The following HECW1 variants were observed in gnomAD, a reference collection of about 807,000 sequenced individuals.
The protein encoded by HECW1 is HECT, C2 and WW domain containing E3 ubiquitin protein ligase 1, also known as E3 ubiquitin-protein ligase HECW1.
A neutral mutation model predicts 182.3 loss-of-function variants in HECW1; 61 were observed. The observed-to-expected ratio is 0.33, with a 90% CI of 0.27 to 0.41. HECW1 has a LOEUF of 0.41. Ranked by LOEUF, HECW1 falls within the 10% of genes least tolerant of loss-of-function variation. HECW1 has a pLI of 1.00. For synonymous variants in HECW1, 859 were observed against 832.6 expected, an observed-to-expected ratio of 1.03 and a Z score of -0.55; for missense variants, 1,739 against 2,108.9, an observed-to-expected ratio of 0.82 and a Z score of 3.44.
rs576320930 is a variant in HECW1, at chr7:43,303,732, C to T, written c.28-8031C>T. ...TTGAGGCTGAAAGCACAAATTGAGGCACAGGTTTCAGGAACAGGTGTCTGG... is the reference window on the plus strand; with the variant it reads ...TTGAGGCTGAAAGCACAAATTGAGGTACAGGTTTCAGGAACAGGTGTCTGG... On this transcript the variant is annotated intron_variant, in intron 3 of 29. Coordinates refer to ENST00000395891, the MANE Select transcript of HECW1 (RefSeq NM_015052.5). Among the ~76,000 whole-genome samples the T allele has an allele frequency of 3.9e-4, 59 of 152,266 alleles. No homozygotes were observed. In the South Asian group the frequency reaches 0.011, roughly 29 times the overall value.
intron 11 of HECW1, 87 bp from the exon 12 acceptor site, chr7:43,450,741 G>A (rs1209865696): frequency 2.4e-6 from 2 of 824,844 alleles, no homozygotes; most frequent in African/African-American, 1.7e-5. Flanking sequence ...GTTGTTTCTT[G>A]TAGTGCTTAG....
intron 2 of HECW1, among the ~76,000 whole-genome samples, chr7:43,182,076 G>T (rs192534840): frequency 1.3e-5 from 2 of 152,244 alleles, no homozygotes; most frequent in East Asian, 1.9e-4. Flanking sequence ...GAGCCACCGC[G>T]CCAGGCCTCT....
At chr7:43,147,115 A>G (rs767198138) in intron 2 of HECW1, among the ~76,000 whole-genome samples, 2 of 152,264 alleles carry the variant, frequency 1.3e-5, no homozygotes, top group Non-Finnish European at 1.5e-5. Context: ...CTGTTATCCA[A>G]GGAAACCTTT....
At chr7:43,267,631 A>G (rs1801942831) in intron 3 of HECW1, among the ~76,000 whole-genome samples, 1 of 152,060 alleles carries the variant, frequency 6.6e-6, no homozygotes, top group Admixed American at 6.5e-5. Flanking sequence ...AAATATAGTG[A>G]AACAGTGGCA....
At chr7:43,307,940 G>C (rs1807832787) in intron 3 of HECW1, among the ~76,000 whole-genome samples, 2 of 129,420 alleles carry the variant, frequency 1.5e-5, no homozygotes, top group Non-Finnish European at 3.1e-5. Flanking sequence ...ATAGTGAAAT[G>C]TATTATTATA....
At position 43,445,076 on chromosome 7, in the gene HECW1, G is replaced by A. The variant is rs376075834; in HGVS notation, c.1904G>A (p.Gly635Asp). The A allele has an allele frequency of 1.3e-5, 21 of 1,599,160 alleles. 1 individual carries two copies. In the African/African-American group the frequency reaches 1.5e-4, roughly 11 times the overall value. The change falls in exon 11 of 30, where the codon GGC (glycine) becomes GAC (aspartate). Residue 635 changes from glycine to aspartate, a missense_variant. By Grantham distance (94) the Gly-to-Asp change is moderately conservative. Coordinates refer to ENST00000395891, the MANE Select transcript of HECW1 (RefSeq NM_015052.5). ...ACGGCGCACCCTGGCCACTCCGGGG[G>A]CCACTTCCCCAGCCTGGCCAATGGC... The part of the protein sequence containing the change: ...PGTAHPGHSG[G>D]HFPSLANGAA...
intron 13 of HECW1, among the ~76,000 whole-genome samples, chr7:43,458,760 A>G (rs2152890883): frequency 6.6e-6 from 1 of 152,318 alleles, no homozygotes. Context: ...TCCATCTCAC[A>G]TGCGACCACA....
chr7:43,501,172 T>A (rs916772706), intron 20 of HECW1, 41 bp from the exon 21 acceptor site: 8 of 1,208,824 alleles, frequency 6.6e-6, no homozygotes, highest in Non-Finnish European at 9.5e-6. Context: ...AAAACTGACT[T>A]TCTTTTCTTT....
At chr7:43,221,555 T>TTTTG (rs1796960571) in intron 2 of HECW1, among the ~76,000 whole-genome samples, 1 of 93,894 alleles carries the variant, frequency 1.1e-5, no homozygotes, top group African/African-American at 4.0e-5. Context: ...TTTTTTTTTT[T>TTTTG]TTTTTTTTTT....
At chr7:43,134,593 A>G (rs1787323844) in intron 2 of HECW1, among the ~76,000 whole-genome samples, 1 of 151,602 alleles carries the variant, frequency 6.6e-6, no homozygotes, top group Admixed American at 6.6e-5. Flanking sequence ...GCAGCTTTGA[A>G]CTCCTGGGCT....
intron 3 of HECW1, among the ~76,000 whole-genome samples, chr7:43,298,529 G>C (rs188866968): frequency 6.6e-6 from 1 of 152,182 alleles, no homozygotes; most frequent in South Asian, 2.1e-4. Flanking sequence ...GACATGATGA[G>C]TTTATCTCTG....
chr7:43,545,229 CTT>C (rs1216117023), intron 26 of HECW1, among the ~76,000 whole-genome samples: 1 of 152,216 alleles, frequency 6.6e-6, no homozygotes, highest in Non-Finnish European at 1.5e-5. Flanking sequence ...GAAAAACTGA[CTT>C]TTCATTTTAT....
intron 16 of HECW1, among the ~76,000 whole-genome samples, chr7:43,474,987 T>C (rs762983126): frequency 2.6e-5 from 4 of 151,996 alleles, no homozygotes; most frequent in Non-Finnish European, 5.9e-5. Flanking sequence ...GAGTAGAAAA[T>C]GAGGAGTTAT....
At chr7:43,290,962 C>T (rs1288680231) in intron 3 of HECW1, among the ~76,000 whole-genome samples, 1 of 152,212 alleles carries the variant, frequency 6.6e-6, no homozygotes, top group Non-Finnish European at 1.5e-5. Context: ...CAAGAGAAGA[C>T]TGCATATGGA....
rs148149501 is a variant in HECW1, at chr7:43,393,370, A to T, written c.556-3444A>T. ...TTCACATCATTTTCACAGTCAATAA[A>T]CTGTAAAGAGTCTGTCTGTGAGTAT... On this transcript the variant is annotated intron_variant, in intron 6 of 29. Coordinates refer to ENST00000395891, the MANE Select transcript of HECW1 (RefSeq NM_015052.5). Among the ~76,000 whole-genome samples the T allele has an allele frequency of 2.0e-4, 31 of 152,226 alleles. No homozygotes were observed. The East Asian group carries it at 5.4e-3, about 27-fold the overall frequency.
intron 2 of HECW1, among the ~76,000 whole-genome samples, chr7:43,175,562 G>A (rs1004295279): frequency 6.6e-6 from 1 of 152,206 alleles, no homozygotes; most frequent in African/African-American, 2.4e-5. Flanking sequence ...CCCTTACGGT[G>A]CAGGTTGTGA....
chr7:43,401,763 G>A (rs2075424511), intron 7 of HECW1, among the ~76,000 whole-genome samples: 1 of 151,756 alleles, frequency 6.6e-6, no homozygotes, highest in African/African-American at 2.4e-5. Flanking sequence ...CAGTTACCCA[G>A]CAAAGGCCCC....
chr7:43,303,481 C>T (rs1329078842), intron 3 of HECW1, among the ~76,000 whole-genome samples: 1 of 152,086 alleles, frequency 6.6e-6, no homozygotes, highest in Non-Finnish European at 1.5e-5. Flanking sequence ...GGCATTTTAA[C>T]AAGTTCCTTG....
chr7:43,470,174 C>T (rs555683650), intron 16 of HECW1, among the ~76,000 whole-genome samples: 17 of 152,256 alleles, frequency 1.1e-4, no homozygotes, highest in African/African-American at 3.6e-4. Flanking sequence ...ATTGACTGGA[C>T]GTGGCCTCTG....
Sources: gnomAD v4.1 joint callset for allele counts (sites outside exome capture counted in the v4.1 genomes callset) on GRCh38, gnomAD v4.1.1 for gene constraint, MANE v1.5 for transcripts, NCBI Gene and HGNC (gene_info 2026-07-23, HGNC 2026-07-21) for gene names.